CNTNAP2: variants seen among roughly 807,000 people sequenced by gnomAD.
CNTNAP2 encodes contactin-associated protein-like 2.
In CNTNAP2, 98 loss-of-function variants were observed where a neutral mutation model predicts 155.2. The observed-to-expected ratio is 0.63, with a 90% CI of 0.54 to 0.75. The LOEUF (loss-of-function observed/expected upper bound fraction) is 0.75. Ranked by LOEUF, CNTNAP2 falls within the 30% of genes least tolerant of loss-of-function variation. CNTNAP2 has a pLI of 0.00. For synonymous variants in CNTNAP2, 651 were observed against 631.2 expected, an observed-to-expected ratio of 1.03 and a Z score of -0.47; for missense variants, 1,727 against 1,688.1, an observed-to-expected ratio of 1.02 and a Z score of -0.40.
chr7:147,806,223 A>G (rs1798088279), intron 13 of CNTNAP2, among the ~76,000 whole-genome samples: 1 of 152,252 alleles, frequency 6.6e-6, no homozygotes, highest in Non-Finnish European at 1.5e-5. Context: ...CATATGCCCA[A>G]CAGGTATGTG....
At chr7:146,181,585 A>C (rs1322507948) in intron 1 of CNTNAP2, among the ~76,000 whole-genome samples, 2 of 152,162 alleles carry the variant, frequency 1.3e-5, no homozygotes, top group Admixed American at 1.3e-4. Context: ...AAATAGGACT[A>C]GGATAGTAAC....
chr7:146,132,505 A>G (rs370935024), intron 1 of CNTNAP2, among the ~76,000 whole-genome samples: 2 of 151,076 alleles, frequency 1.3e-5, no homozygotes. Flanking sequence ...ATGCTGGTGC[A>G]CTGCACCAAC....
At chr7:147,253,328 GCAT>G (rs921723791) in intron 8 of CNTNAP2, among the ~76,000 whole-genome samples, 10 of 149,830 alleles carry the variant, frequency 6.7e-5, no homozygotes, top group African/African-American at 2.5e-4. Flanking sequence ...CCACGTAGAA[GCAT>G]CAGCCAGATC....
intron 1 of CNTNAP2, among the ~76,000 whole-genome samples, chr7:146,282,626 A>G (rs977991629): frequency 9.9e-5 from 15 of 152,214 alleles, no homozygotes; most frequent in Non-Finnish European, 1.0e-4. Flanking sequence ...ACTAGATAAG[A>G]TAAGGGACTA....
At chr7:146,631,930 A>C (rs1372955531) in intron 1 of CNTNAP2, among the ~76,000 whole-genome samples, 1 of 138,624 alleles carries the variant, frequency 7.2e-6, no homozygotes, top group Non-Finnish European at 1.5e-5. Context: ...AAGGCTCAGA[A>C]ATCACTTTTT....
intron 8 of CNTNAP2, among the ~76,000 whole-genome samples, chr7:147,286,731 A>G (rs942817416): frequency 6.6e-6 from 1 of 152,058 alleles, no homozygotes; most frequent in African/African-American, 2.4e-5. Context: ...CACTATTCAA[A>G]GTTCTTCTCC....
intron 8 of CNTNAP2, among the ~76,000 whole-genome samples, chr7:147,206,008 A>ATAAATATG (rs984571123): frequency 2.0e-5 from 3 of 152,162 alleles, no homozygotes; most frequent in African/African-American, 7.2e-5. Context: ...CATTTACCCC[A>ATAAATATG]TAAATATGTA....
intron 8 of CNTNAP2, among the ~76,000 whole-genome samples, chr7:147,164,995 C>A (rs1475139456): frequency 6.6e-6 from 1 of 152,104 alleles, no homozygotes; most frequent in African/African-American, 2.4e-5. Context: ...TCTTATAAGA[C>A]AATTACTTGA....
intron 5 of CNTNAP2, among the ~76,000 whole-genome samples, chr7:147,116,988 T>A (rs1018999601): frequency 6.6e-6 from 1 of 152,160 alleles, no homozygotes; most frequent in Non-Finnish European, 1.5e-5. Flanking sequence ...CGAGGCTCCA[T>A]CTGGTCTCAA....
At chr7:148,256,017 T>C (rs543066827) in intron 20 of CNTNAP2, among the ~76,000 whole-genome samples, 1 of 152,244 alleles carries the variant, frequency 6.6e-6, no homozygotes, top group South Asian at 2.1e-4. Flanking sequence ...CCTCCCTACC[T>C]GAAAATCCCC....
chr7:146,782,914 A>T (rs1802515172), intron 2 of CNTNAP2, among the ~76,000 whole-genome samples: 1 of 152,206 alleles, frequency 6.6e-6, no homozygotes, highest in South Asian at 2.1e-4. Context: ...CTCCTTAAAA[A>T]TTTATTGTTT....
chr7:148,183,595 C>T (rs1186426122), intron 18 of CNTNAP2, among the ~76,000 whole-genome samples: 2 of 150,994 alleles, frequency 1.3e-5, no homozygotes, highest in African/African-American at 2.4e-5. Flanking sequence ...GATCCTCCCA[C>T]CTTGGCCCCC....
intron 18 of CNTNAP2, among the ~76,000 whole-genome samples, chr7:148,186,192 C>T (rs1025466099): frequency 2.0e-4 from 30 of 152,312 alleles, no homozygotes; most frequent in African/African-American, 7.0e-4. Flanking sequence ...CTATTTCATT[C>T]ATTCATATTC....
intron 1 of CNTNAP2, among the ~76,000 whole-genome samples, chr7:146,480,376 TGATTTCAATAGGTC>T (rs1796941053): frequency 6.6e-6 from 1 of 152,146 alleles, no homozygotes; most frequent in Non-Finnish European, 1.5e-5. Flanking sequence ...AAGATGGTTA[TGATTTCAATAGGTC>T]GCAAAAATTA....
At chr7:148,022,393 C>T (rs1311792882) in intron 15 of CNTNAP2, among the ~76,000 whole-genome samples, 2 of 149,610 alleles carry the variant, frequency 1.3e-5, no homozygotes, top group African/African-American at 4.9e-5. Flanking sequence ...TGCTTGAACC[C>T]GGGAGGCGGA....
At chr7:147,353,120 T>TATATACATACATATACGTATATGTAC (rs1563171435) in intron 9 of CNTNAP2, among the ~76,000 whole-genome samples, 13 of 151,748 alleles carry the variant, frequency 8.6e-5, no homozygotes, top group African/African-American at 2.7e-4. Flanking sequence ...TGTATATGTA[T>TATATACATACATATACGTATATGTAC]ATATACATAC....
At chr7:147,414,310 G>A (rs1024649272) in intron 10 of CNTNAP2, among the ~76,000 whole-genome samples, 1 of 151,858 alleles carries the variant, frequency 6.6e-6, no homozygotes, top group African/African-American at 2.4e-5. Context: ...TGTGATCCCA[G>A]CTACTCAGGA....
At chr7:147,055,092 T>G (rs1366509336) in intron 4 of CNTNAP2, among the ~76,000 whole-genome samples, 1 of 152,188 alleles carries the variant, frequency 6.6e-6, no homozygotes, top group Non-Finnish European at 1.5e-5. Context: ...GTACCAATCA[T>G]TTTGTAAACA....
intron 11 of CNTNAP2, among the ~76,000 whole-genome samples, chr7:147,532,520 C>T (rs1799460205): frequency 1.3e-5 from 2 of 152,282 alleles, no homozygotes; most frequent in East Asian, 3.9e-4. Flanking sequence ...CCAGCCTCTG[C>T]CTGTTACCCA....
Sources: gnomAD v4.1 joint callset for allele counts (sites outside exome capture counted in the v4.1 genomes callset) on GRCh38, gnomAD v4.1.1 for gene constraint, MANE v1.5 for transcripts, NCBI Gene and HGNC (gene_info 2026-07-23, HGNC 2026-07-21) for gene names.